Variants in PI4KA observed in about 807,000 individuals in gnomAD.
PI4KA encodes PI4-kinase alpha.
In PI4KA, 122 loss-of-function variants were observed where a neutral mutation model predicts 271.4. The ratio of observed to expected loss-of-function variants is 0.45; its 90% confidence interval spans 0.39 to 0.52. The LOEUF (loss-of-function observed/expected upper bound fraction) is 0.52, where lower values mean the gene tolerates loss of function less well. PI4KA is among the 20% of genes least tolerant of loss of function. The pLI, the probability that PI4KA is intolerant of heterozygous loss-of-function variation, is 0.00. For synonymous variants in PI4KA, 1,041 were observed against 1,078.8 expected, an observed-to-expected ratio of 0.96 and a Z score of 0.69; for missense variants, 1,969 against 2,769.1, an observed-to-expected ratio of 0.71 and a Z score of 6.48.
At chr22:20,784,082 G>A (rs370736969) in intron 19 of PI4KA, 10 of 1,614,014 alleles carry the variant, frequency 6.2e-6, no homozygotes, top group African/African-American at 2.7e-5. Context: ...GAACTTCCTC[G>A]CAGCAAATGA....
chr22:20,781,910 G>A (rs1190613736), intron 19 of PI4KA, among the ~76,000 whole-genome samples: 1 of 152,326 alleles, frequency 6.6e-6, no homozygotes, highest in East Asian at 1.9e-4. Flanking sequence ...CACTCTGACA[G>A]GGCCGAGGGA....
At chr22:20,801,189 C>A (rs189263855) in intron 14 of PI4KA, among the ~76,000 whole-genome samples, 34 of 151,564 alleles carry the variant, frequency 2.2e-4, no homozygotes, top group African/African-American at 8.2e-4. Context: ...CACACCAGGC[C>A]TCTTATTATG....
chr22:20,796,109 A>C, intron 18 of PI4KA, 37 bp downstream of exon 18: 1 of 1,586,038 alleles, frequency 6.3e-7, no homozygotes. Context: ...CAGGGATAGG[A>C]CACTGATGGG....
At chr22:20,735,688 G>C (rs1472565136) in intron 32 of PI4KA, among the ~76,000 whole-genome samples, 10 of 152,232 alleles carry the variant, frequency 6.6e-5, no homozygotes, top group Non-Finnish European at 7.3e-5. Context: ...TGAGGGTGGA[G>C]ACAAAGGCCA....
In PI4KA at chr22:20,734,430, G is replaced by C. The variant is rs778187321; in HGVS notation, c.3865C>G (p.Pro1289Ala). Reference protein sequence around the residue: ...ASEASQPKPCPPEVTPHYIWI... With the variant: ...ASEASQPKPCAPEVTPHYIWI... ...ATGTAGTGGGGGGTCACTTCGGGGG[G>C]ACAGGGTTTGGGTTGACTTGCTTCC... The change falls in exon 33 of 55, where the codon CCC becomes GCC. Residue 1289 changes from proline to alanine, a missense_variant. Transcript: ENST00000255882. 5.6e-6 allele frequency: 9 copies of C among 1,608,252 alleles called. No individual in the cohort carries two copies. The highest frequency in any genetic ancestry group is 3.3e-4 in the Middle Eastern group (2 of 6,044).
chr22:20,784,394 C>G (rs1934043516), intron 19 of PI4KA: 8 of 1,097,398 alleles, frequency 7.3e-6, no homozygotes, highest in Non-Finnish European at 1.1e-5. Context: ...AATTCAGCCC[C>G]AATTTGTTGC....
chr22:20,711,047 G>A, intron 51 of PI4KA, 189 bp from the exon 52 acceptor site: 1 of 606,958 alleles, frequency 1.6e-6, no homozygotes, highest in South Asian at 1.9e-5. Flanking sequence ...AGAGAAGGGA[G>A]GAAGTGGAGG....
intron 23 of PI4KA, among the ~76,000 whole-genome samples, 164 bp downstream of exon 23, chr22:20,761,140 T>C (rs1931924375): frequency 3.3e-5 from 5 of 152,216 alleles, no homozygotes; most frequent in African/African-American, 1.2e-4. Flanking sequence ...AGTAGAACCA[T>C]TAAGGCGTAT....
chr22:20,742,345 C>A lies in PI4KA; in HGVS notation c.3624G>T (p.Pro1208=). The A allele has an allele frequency of 6.2e-7, 1 of 1,613,920 alleles. No homozygotes were observed. ...AMLISSKDCD[P]QLLHHLCWGP... ...CCCAGCACAGATGATGAAGGAGCTGCGGGTCACAATCTGGAACCAAACACA... is the reference window on the plus strand; with the variant it reads ...CCCAGCACAGATGATGAAGGAGCTGAGGGTCACAATCTGGAACCAAACACA... The change falls in exon 32 of 55, where the codon CCG becomes CCT. Residue 1208 remains proline, a synonymous_variant. Coordinates refer to ENST00000255882, the MANE Select transcript of PI4KA (RefSeq NM_058004.4).
chr22:20,838,584 T>C (rs969027483), intron 2 of PI4KA, 31 bp downstream of exon 2: 1 of 1,289,320 alleles, frequency 7.8e-7, no homozygotes, highest in Non-Finnish European at 1.1e-6. Context: ...CCTTTTACAA[T>C]GAAGAAACTT....
At chr22:20,839,589 T>C (rs1925299738) in intron 1 of PI4KA, among the ~76,000 whole-genome samples, 1 of 152,200 alleles carries the variant, frequency 6.6e-6, no homozygotes, top group African/African-American at 2.4e-5. Context: ...CCCAGCACTT[T>C]GGTAGGCCGA....
chr22:20,802,177 A>C (rs1935372480), intron 13 of PI4KA, 72 bp from the exon 14 acceptor site: 2 of 1,388,832 alleles, frequency 1.4e-6, no homozygotes, highest in Non-Finnish European at 2.0e-6. Context: ...GTAATTCAAA[A>C]ACCAAGATAA....
chr22:20,729,174 G>T, intron 39 of PI4KA, 139 bp downstream of exon 39: 1 of 698,514 alleles, frequency 1.4e-6, no homozygotes, highest in Non-Finnish European at 2.4e-6. Context: ...GTGTCCTGGG[G>T]CTCGAGGACT....
chr22:20,858,424 G>C, intron 1 of PI4KA, 146 bp downstream of exon 1: 1 of 406,858 alleles, frequency 2.5e-6, no homozygotes, highest in Non-Finnish European at 3.7e-6. Context: ...TCCTTCCCCC[G>C]CTAGATCCCT....
chr22:20,770,579 G>GACACACACACACACAC (rs528696021), intron 19 of PI4KA, among the ~76,000 whole-genome samples: 8 of 96,064 alleles, frequency 8.3e-5, no homozygotes, highest in South Asian at 4.3e-4. Context: ...GCTGGACACG[G>GACACACACACACACAC]ACACACACAC....
At position 20,711,376 on chromosome 22, in the gene PI4KA, A is replaced by G. The variant is rs1299380473; in HGVS notation, c.5888T>C (p.Ile1963Thr). 1 of 1,394,226 alleles carries G rather than the reference A, an allele frequency of 7.2e-7. No individual in the cohort carries two copies. The highest frequency in any genetic ancestry group is 2.4e-5 in the East Asian group (1 of 41,282). The allele number at this position is 1,394,226 out of a possible 1,614,324, so 86.4% of individuals were successfully genotyped here. The stretch of plus-strand genomic sequence containing the variant: ...GATATGACCCTTCTTGTCCAGCATA[A>G]TGTTGCCGTTGTGTCTGTCCTTGAT... ...LQIKDRHNGN[I>T]MLDKKGHIIH... Residue 1963 changes from isoleucine (I) to threonine (T), a missense_variant, in exon 51 of 55, where the codon ATT becomes ACT. Physicochemically the swap from Ile to Thr is moderately conservative, Grantham distance 89 (BLOSUM62 -1). Around this residue, in one of 13 missense-constraint regions of PI4KA, gnomAD observed 110 missense variants for 349.8 expected, o/e 0.31. Coordinates refer to ENST00000255882, the MANE Select transcript of PI4KA (RefSeq NM_058004.4).
At chr22:20,777,627 T>C (rs1414701378) in intron 19 of PI4KA, among the ~76,000 whole-genome samples, 4 of 152,236 alleles carry the variant, frequency 2.6e-5, no homozygotes, top group African/African-American at 9.6e-5. Flanking sequence ...GTTGGGATTA[T>C]AGGCGTAAGC....
intron 1 of PI4KA, among the ~76,000 whole-genome samples, chr22:20,858,102 G>A (rs1286874687): frequency 6.6e-6 from 1 of 152,204 alleles, no homozygotes; most frequent in African/African-American, 2.4e-5. Context: ...ACAGTCCGGT[G>A]AAGCCGGCAA....
chr22:20,848,329 G>A lies in PI4KA; in HGVS notation c.157-9598C>T, dbSNP rs370771884. Among the ~76,000 whole-genome samples, 16 of 151,628 alleles carry A rather than the reference G, an allele frequency of 1.1e-4. No homozygotes were observed. In the South Asian group the frequency reaches 2.9e-3, roughly 28 times the overall value. On this transcript the variant is annotated intron_variant, in intron 1 of 54. Transcript: ENST00000255882. Reference sequence around the variant, plus strand: ...CACCATCCCTGTCAAAACCCTAGGTGAGTTCTTTGCAGAAACTAACATGCT... The same window carrying A: ...CACCATCCCTGTCAAAACCCTAGGTAAGTTCTTTGCAGAAACTAACATGCT...
Sources: allele counts gnomAD v4.1 joint callset (sites outside exome capture counted in the v4.1 genomes callset), GRCh38; gene constraint gnomAD v4.1.1; regional missense constraint gnomAD v4.1.1; transcripts MANE v1.5; gene names NCBI Gene and HGNC (gene_info 2026-07-23, HGNC 2026-07-21).